The following CYTH1 variants were observed in gnomAD, a reference collection of about 807,000 sequenced individuals.
CYTH1 encodes cytohesin 1.
In CYTH1, 18 loss-of-function variants were observed where a neutral mutation model predicts 61.8. The observed-to-expected ratio is 0.29, with a 90% CI of 0.20 to 0.43. The LOEUF (loss-of-function observed/expected upper bound fraction) is 0.43. CYTH1 is among the 20% of genes least tolerant of loss of function. The pLI, the probability that CYTH1 is intolerant of heterozygous loss-of-function variation, is 1.00. For synonymous variants in CYTH1, 174 were observed against 184.3 expected (o/e 0.94, Z 0.45); for missense variants, 336 against 510.5 (o/e 0.66, Z 3.29).
Position 78,725,963 on chromosome 17 carries a change from C to T in CYTH1, c.23-16231G>A, listed in dbSNP as rs190739181. On this transcript the variant is annotated intron_variant, in intron 1 of 13. Coordinates refer to ENST00000446868, the MANE Select transcript of CYTH1 (RefSeq NM_004762.6). Reference sequence around the variant, plus strand: ...AGAGAGAATCACAGGAAACGACTGGCCACAGAATAGGAATCTCAGGACCAA... The same window carrying T: ...AGAGAGAATCACAGGAAACGACTGGTCACAGAATAGGAATCTCAGGACCAA... 4.3e-4 allele frequency among the ~76,000 whole-genome samples: 65 copies of T among 152,116 alleles called. No homozygotes were observed. The South Asian group carries it at 6.5e-3, about 15-fold the overall frequency.
At chr17:78,680,169 C>T in intron 13 of CYTH1, 21 bp downstream of exon 13, 1 of 1,613,804 alleles carries the variant, frequency 6.2e-7, no homozygotes, top group South Asian at 1.1e-5. Context: ...CGCGCACTGC[C>T]CTTTCTCAGC....
chr17:78,699,990 A>C (rs1182329641), intron 7 of CYTH1, among the ~76,000 whole-genome samples: 1 of 152,084 alleles, frequency 6.6e-6, no homozygotes, highest in African/African-American at 2.4e-5. Flanking sequence ...AGGGTCTCAT[A>C]ATGTTGCCCA....
intron 9 of CYTH1, among the ~76,000 whole-genome samples, chr17:78,697,680 C>T (rs2092955191): frequency 1.3e-5 from 2 of 151,656 alleles, no homozygotes; most frequent in Admixed American, 6.6e-5. Flanking sequence ...GCCAAGGGCT[C>T]TAGGCTTGCC....
In CYTH1 at chr17:78,760,384, T is replaced by TATATACAC. The variant is rs751494741; in HGVS notation, c.22+21817_22+21818insGTGTATAT. Among the ~76,000 whole-genome samples, 208 of 51,386 alleles carry TATATACAC rather than the reference T, an allele frequency of 4.0e-3. 22 individuals carry two copies. Among genetic ancestry groups the TATATACAC allele is most frequent in the African/African-American group, 7.5e-3 (95 of 12,596 alleles). 33.7% of individuals were successfully genotyped at this position (51,386 alleles called of 152,430 possible). The stretch of plus-strand genomic sequence containing the variant: ...ATATATATATATATATATATATATA[T>TATATACAC]ACACACACATACATATATATATGTG... On this transcript the variant is annotated intron_variant, in intron 1 of 13. Coordinates refer to ENST00000446868, the MANE Select transcript of CYTH1 (RefSeq NM_004762.6).
At position 78,770,660 on chromosome 17, in the gene CYTH1, G is replaced by A. The variant is rs142797549; in HGVS notation, c.22+11542C>T. Among the ~76,000 whole-genome samples the A allele has an allele frequency of 4.7e-3, 708 of 152,140 alleles. 1 individual carries two copies. Among genetic ancestry groups the A allele is most frequent in the African/African-American group, 0.016 (679 of 41,512 alleles). ...TCTCGATCTCTTGACTTTGTGATCC[G>A]CCTGCCTCGGCCTGGGATTACAGGT... On this transcript the variant is annotated intron_variant, in intron 1 of 13. Coordinates refer to ENST00000446868, the MANE Select transcript of CYTH1 (RefSeq NM_004762.6).
rs888253109 is a variant in CYTH1 at position 78,708,082 on chromosome 17, T to G, written c.170+115A>C. 3 of 1,035,934 alleles carry G rather than the reference T, an allele frequency of 2.9e-6. No homozygotes were observed. The African/African-American group carries it at 4.7e-5, about 16-fold the overall frequency. 64.2% of individuals were successfully genotyped at this position (1,035,934 alleles called of 1,614,324 possible). On this transcript the variant is annotated intron_variant, in intron 3 of 13. Transcript: ENST00000446868. The stretch of plus-strand genomic sequence containing the variant: ...ATGGGTGTGTATGTGCTTGCTAGAA[T>G]TAGAAAGACACAAAGCTGACTTTTT...
chr17:78,773,613 A>G (rs1219187320), intron 1 of CYTH1, among the ~76,000 whole-genome samples: 1 of 150,912 alleles, frequency 6.6e-6, no homozygotes, highest in Non-Finnish European at 1.5e-5. Flanking sequence ...TGGGCGACAG[A>G]GCAAGACTCC....
intron 10 of CYTH1, among the ~76,000 whole-genome samples, chr17:78,694,603 A>G (rs1054979127): frequency 6.6e-6 from 1 of 152,172 alleles, no homozygotes; most frequent in Non-Finnish European, 1.5e-5. Context: ...CTGGCGGGCC[A>G]TTGGTTGCCC....
intron 10 of CYTH1, among the ~76,000 whole-genome samples, chr17:78,694,031 GT>G (rs2092914856): frequency 1.3e-5 from 2 of 152,330 alleles, no homozygotes; most frequent in South Asian, 4.1e-4. Flanking sequence ...GAGGAGAATG[GT>G]TTTACAGGGA....
At chr17:78,685,361 C>T (rs962002187) in intron 11 of CYTH1, among the ~76,000 whole-genome samples, 2 of 149,664 alleles carry the variant, frequency 1.3e-5, no homozygotes, top group African/African-American at 4.9e-5. Flanking sequence ...TATTATTTCA[C>T]TTTTACATTG....
Position 78,700,832 on chromosome 17 carries a change from A to G in CYTH1, c.438-389T>C, listed in dbSNP as rs997803267. On this transcript the variant is annotated intron_variant, in intron 6 of 13. Transcript: ENST00000446868. This position sits in a 1 kb window ranked among gnomAD's most constrained non-coding sequence, Gnocchi z 5.1. ...GAGCCACGGTGCCTGACCACTGCCA[A>G]TGATTTTTTAACATCAAAGTGCAAA... is the stretch of plus-strand genomic sequence containing the variant. Among the ~76,000 whole-genome samples, 17 of 152,220 alleles carry G rather than the reference A, an allele frequency of 1.1e-4. No homozygotes were observed. The highest frequency in any genetic ancestry group is 7.4e-5 in the Non-Finnish European group (5 of 67,998).
In CYTH1 at chr17:78,683,560, G is replaced by C. The variant is rs1230369441; in HGVS notation, c.892-2518C>G. 2.6e-5 allele frequency among the ~76,000 whole-genome samples: 4 copies of C among 152,344 alleles called. No homozygotes were observed. The East Asian group carries it at 7.7e-4, about 29-fold the overall frequency. The stretch of plus-strand genomic sequence containing the variant: ...CTGGCTACCTGTGGTTCTGAGAGCT[G>C]AGTGAGGAGAAGCTGGGGGTGGGAG... On this transcript the variant is annotated intron_variant, in intron 11 of 13. Coordinates refer to ENST00000446868, the MANE Select transcript of CYTH1 (RefSeq NM_004762.6).
At position 78,739,759 on chromosome 17, in the gene CYTH1, T is replaced by A. The variant is rs146391367; in HGVS notation, c.23-30027A>T. Reference sequence around the variant, plus strand: ...GAGACCAGTTGGGGGGCTGCTATAGTCATCCAGGTGAGACGGGTTGGCGGC... The same window carrying A: ...GAGACCAGTTGGGGGGCTGCTATAGACATCCAGGTGAGACGGGTTGGCGGC... On this transcript the variant is annotated intron_variant, in intron 1 of 13. Transcript: ENST00000446868. 3.4e-4 allele frequency among the ~76,000 whole-genome samples: 52 copies of A among 152,224 alleles called. No individual in the cohort carries two copies. In the East Asian group the frequency reaches 9.8e-3, roughly 29 times the overall value.
At chr17:78,767,652 T>A (rs2093454600) in intron 1 of CYTH1, among the ~76,000 whole-genome samples, 1 of 151,944 alleles carries the variant, frequency 6.6e-6, no homozygotes, top group Admixed American at 6.6e-5. Context: ...ACAATTTAAA[T>A]GGCAAGAAAA....
At chr17:78,755,801 C>T (rs2144689376) in intron 1 of CYTH1, among the ~76,000 whole-genome samples, 1 of 151,828 alleles carries the variant, frequency 6.6e-6, no homozygotes, top group Admixed American at 6.6e-5. Context: ...GTCCCAGCTA[C>T]TTGGGAGGCT....
intron 1 of CYTH1, among the ~76,000 whole-genome samples, chr17:78,756,142 C>T (rs1388845289): frequency 6.8e-6 from 1 of 148,006 alleles, no homozygotes; most frequent in Non-Finnish European, 1.5e-5. Flanking sequence ...GCAGCGTGAT[C>T]TCAGCTCACT....
intron 1 of CYTH1, among the ~76,000 whole-genome samples, chr17:78,712,185 G>C (rs1014458582): frequency 3.3e-5 from 5 of 150,238 alleles, no homozygotes; most frequent in African/African-American, 9.8e-5. Context: ...AGGGAGGTAG[G>C]AGAGAGAGAA....
intron 1 of CYTH1, among the ~76,000 whole-genome samples, chr17:78,746,309 T>C (rs980657732): frequency 6.6e-6 from 1 of 152,092 alleles, no homozygotes; most frequent in African/African-American, 2.4e-5. Context: ...CAAAAAAATA[T>C]TCAGGATTCT....
chr17:78,730,865 C>T (rs924208455), intron 1 of CYTH1, among the ~76,000 whole-genome samples: 9 of 151,956 alleles, frequency 5.9e-5, no homozygotes, highest in Middle Eastern at 3.4e-3. Context: ...GGGGTTTCAC[C>T]GTGTTAGCCA....
Sources: allele counts gnomAD v4.1 joint callset (sites outside exome capture counted in the v4.1 genomes callset), GRCh38; gene constraint gnomAD v4.1.1; non-coding constraint Gnocchi (gnomAD v3.1); transcripts MANE v1.5; gene names NCBI Gene and HGNC (gene_info 2026-07-23, HGNC 2026-07-21).